The following TAFA2 variants were observed in gnomAD, a reference collection of about 807,000 sequenced individuals.
TAFA2 encodes the protein chemokine-like protein TAFA-2.
A neutral mutation model predicts 18.8 loss-of-function variants in TAFA2; 7 were observed. That is an observed-to-expected ratio of 0.37 (90% CI 0.21 to 0.70). The LOEUF is 0.70. Among genes scored for constraint, TAFA2 ranks in the 30% least tolerant of loss-of-function variants. The pLI is 0.53. For missense variants in TAFA2, 122 were observed against 158.1 expected (o/e 0.77, Z 1.23); for synonymous variants, 60 against 54.2 (o/e 1.11, Z -0.47).
At chr12:62,188,394 T>A (rs937394730) in intron 1 of TAFA2, among the ~76,000 whole-genome samples, 1 of 152,210 alleles carries the variant, frequency 6.6e-6, no homozygotes, top group African/African-American at 2.4e-5. Flanking sequence ...TGCACTCTGG[T>A]TGTTTCATCT....
intron 1 of TAFA2, among the ~76,000 whole-genome samples, chr12:62,236,886 G>T (rs1238172468): frequency 6.6e-6 from 1 of 151,902 alleles, no homozygotes; most frequent in Non-Finnish European, 1.5e-5. Flanking sequence ...TCCCATCTTT[G>T]TTCTTGACTT....
At chr12:61,961,266 C>T (rs150982877) in intron 1 of TAFA2, among the ~76,000 whole-genome samples, 15 of 151,984 alleles carry the variant, frequency 9.9e-5, no homozygotes, top group African/African-American at 1.7e-4. Context: ...CCTACCCAAC[C>T]GCTACTCCAA....
chr12:61,808,920 A>C (rs1022648841), intron 2 of TAFA2, among the ~76,000 whole-genome samples: 1 of 151,588 alleles, frequency 6.6e-6, no homozygotes, highest in African/African-American at 2.4e-5. Context: ...TGTATTATCT[A>C]TTACATCTAT....
At chr12:62,002,945 C>T (rs11837364) in intron 1 of TAFA2, among the ~76,000 whole-genome samples, 40,583 of 151,970 alleles carry the variant, frequency 0.27, 5,865 homozygotes, top group Non-Finnish European at 0.33. Flanking sequence ...TTAATTCTAC[C>T]AATTTTTTAT....
chr12:61,735,719 A>C (rs1868293184), intron 4 of TAFA2, among the ~76,000 whole-genome samples: 1 of 151,678 alleles, frequency 6.6e-6, no homozygotes, highest in Admixed American at 6.6e-5. Context: ...TTCTTTCACA[A>C]ATTTTTTAAT....
rs966333175 is a variant in TAFA2, at chr12:62,169,825, T to C, written c.-2+21434A>G. On this transcript the variant is annotated intron_variant, in intron 1 of 4. Transcript: ENST00000416284. ...GAGATCACGCCACTACACTCCAGAC[T>C]GGGCGACAGGGCGAGACTCCGTCTC... is the stretch of plus-strand genomic sequence containing the variant. Among the ~76,000 whole-genome samples the C allele has an allele frequency of 6.7e-4, 84 of 124,708 alleles. 1 individual carries two copies. Among genetic ancestry groups the C allele is most frequent in the African/African-American group, 2.6e-3 (81 of 31,758 alleles). 81.8% of individuals were successfully genotyped at this position (124,708 alleles called of 152,430 possible). A position where few individuals can be genotyped will look rare whatever the true frequency, so the allele number is the denominator to read the frequency against.
At chr12:62,084,668 C>G (rs2136824719) in intron 1 of TAFA2, among the ~76,000 whole-genome samples, 1 of 152,218 alleles carries the variant, frequency 6.6e-6, no homozygotes, top group Non-Finnish European at 1.5e-5. Flanking sequence ...AACACTCAGG[C>G]TTAGAGGTAA....
chr12:61,883,953 T>G (rs1489469902), intron 1 of TAFA2, among the ~76,000 whole-genome samples: 1 of 152,214 alleles, frequency 6.6e-6, no homozygotes. Context: ...ATATGTGAAG[T>G]ACTCTATTTC....
chr12:62,206,264 T>C (rs905685719), intron 1 of TAFA2, among the ~76,000 whole-genome samples: 3 of 152,196 alleles, frequency 2.0e-5, no homozygotes, highest in Admixed American at 6.5e-5. Flanking sequence ...TGAAAGGACA[T>C]CTGTCTTGGA....
intron 2 of TAFA2, among the ~76,000 whole-genome samples, chr12:61,816,996 G>A (rs1267833474): frequency 1.3e-5 from 2 of 151,268 alleles, no homozygotes; most frequent in African/African-American, 4.9e-5. Flanking sequence ...TGTCTACCAG[G>A]TTGGAAGCCC....
chr12:62,071,785 G>C (rs998001307), intron 1 of TAFA2, among the ~76,000 whole-genome samples: 8 of 152,138 alleles, frequency 5.3e-5, no homozygotes, highest in Non-Finnish European at 8.8e-5. Flanking sequence ...CTAACTTCTA[G>C]ATACTTGGCT....
intron 1 of TAFA2, among the ~76,000 whole-genome samples, chr12:62,255,561 A>G (rs1274083047): frequency 6.6e-6 from 1 of 152,220 alleles, no homozygotes; most frequent in African/African-American, 2.4e-5. Flanking sequence ...ATTCAAATCA[A>G]TTTAGTTCTG....
At chr12:62,234,584 A>G (rs1255493895) in intron 1 of TAFA2, 2 of 827,048 alleles carry the variant, frequency 2.4e-6, no homozygotes, top group Admixed American at 3.4e-5. Flanking sequence ...AAGAAAGACC[A>G]TAAACACCTT....
intron 1 of TAFA2, among the ~76,000 whole-genome samples, chr12:62,214,445 G>A: frequency 6.6e-6 from 1 of 152,170 alleles, no homozygotes; most frequent in East Asian, 1.9e-4. Context: ...CCCCAGCCAT[G>A]TGGAACTGTA....
intron 1 of TAFA2, among the ~76,000 whole-genome samples, chr12:62,212,214 A>G (rs1329238987): frequency 2.0e-5 from 3 of 152,180 alleles, no homozygotes; most frequent in African/African-American, 4.8e-5. Context: ...TTCAAATAGT[A>G]CTCAGCTTTC....
At chr12:61,880,271 C>A in intron 1 of TAFA2, 1 of 477,278 alleles carries the variant, frequency 2.1e-6, no homozygotes, top group Non-Finnish European at 4.1e-6. Flanking sequence ...TGTCAGCTGG[C>A]TCCAGGCTGA....
At chr12:62,232,688 T>G (rs886850393) in intron 1 of TAFA2, among the ~76,000 whole-genome samples, 2 of 152,096 alleles carry the variant, frequency 1.3e-5, no homozygotes, top group Non-Finnish European at 2.9e-5. Flanking sequence ...ATTTTTGTAT[T>G]TTTAGTAGAG....
At chr12:62,202,821 C>CT (rs71083986) in intron 1 of TAFA2, among the ~76,000 whole-genome samples, 14,533 of 61,452 alleles carry the variant, frequency 0.24, 4,260 homozygotes, top group East Asian at 0.32. Context: ...CTGTGTGGTT[C>CT]TTTTTTTTTT....
chr12:62,207,282 A>T (rs2062695740), intron 1 of TAFA2: 1 of 152,230 alleles, frequency 6.6e-6, no homozygotes, highest in Admixed American at 6.5e-5. Context: ...TAATTAATAT[A>T]TTTCAATTTA....
Sources: allele counts gnomAD v4.1 joint callset (sites outside exome capture counted in the v4.1 genomes callset), GRCh38; gene constraint gnomAD v4.1.1; transcripts MANE v1.5; gene names NCBI Gene and HGNC (gene_info 2026-07-23, HGNC 2026-07-21).